Variants in PTPRM observed in about 807,000 individuals in gnomAD.
The protein encoded by PTPRM is receptor-type tyrosine-protein phosphatase mu.
PTPRM carries 47 observed loss-of-function variants against 186.7 expected under a neutral mutation model. The ratio of observed to expected loss-of-function variants is 0.25; its 90% confidence interval spans 0.20 to 0.32. The LOEUF (loss-of-function observed/expected upper bound fraction) is 0.32. Ranked by LOEUF, PTPRM falls within the 10% of genes least tolerant of loss-of-function variation. The pLI is 1.00. For synonymous variants in PTPRM, 668 were observed against 674.9 expected (o/e 0.99, Z 0.16); for missense variants, 1,494 against 1,865.0 (o/e 0.80, Z 3.66).
At chr18:8,299,596 C>A (rs4798625) in intron 20 of PTPRM, among the ~76,000 whole-genome samples, 14,341 of 141,120 alleles carry the variant, frequency 0.1, 946 homozygotes, top group African/African-American at 0.21. Context: ...CTCAAAAAAA[C>A]AAAAAAAAAG....
At chr18:8,045,158 G>A (rs2086959149) in intron 7 of PTPRM, among the ~76,000 whole-genome samples, 3 of 152,192 alleles carry the variant, frequency 2.0e-5, no homozygotes, top group Admixed American at 2.0e-4. Flanking sequence ...ACCAGCCTGG[G>A]CCACATGGTG....
At chr18:7,886,820 A>T (rs7242875) in intron 2 of PTPRM, among the ~76,000 whole-genome samples, 2 of 152,106 alleles carry the variant, frequency 1.3e-5, no homozygotes. Flanking sequence ...TTTAACAACA[A>T]CCTCTTAATC....
chr18:8,372,722 A>C (rs200842958), intron 24 of PTPRM, among the ~76,000 whole-genome samples: 1 of 13,908 alleles, frequency 7.2e-5, no homozygotes, highest in Non-Finnish European at 1.4e-4. Flanking sequence ...GCAGAATTGG[A>C]AAAAAAAAAA....
chr18:7,825,064 AG>A (rs1449951970), intron 2 of PTPRM, among the ~76,000 whole-genome samples: 2 of 152,176 alleles, frequency 1.3e-5, no homozygotes, highest in African/African-American at 4.8e-5. Context: ...TTTCATGTGC[AG>A]GGCCATCAGT....
chr18:8,172,694 CAAGAAAAAAAAAA>C (rs1011619612), intron 14 of PTPRM, among the ~76,000 whole-genome samples: 4 of 98,018 alleles, frequency 4.1e-5, no homozygotes, highest in East Asian at 2.5e-4. Flanking sequence ...AATGTAAACA[CAAGAAAAAAAAAA>C]AAGAAAAAAA....
chr18:8,054,265 T>C (rs1194238707), intron 7 of PTPRM, among the ~76,000 whole-genome samples: 2 of 142,796 alleles, frequency 1.4e-5, no homozygotes, highest in Non-Finnish European at 3.0e-5. Context: ...TCATTACTAG[T>C]ATATACTAGT....
chr18:7,958,912 T>C (rs1386580495), intron 7 of PTPRM, among the ~76,000 whole-genome samples: 1 of 152,142 alleles, frequency 6.6e-6, no homozygotes, highest in Non-Finnish European at 1.5e-5. Flanking sequence ...GTTCTTGAAA[T>C]AATAGTGCTT....
chr18:8,367,343 C>T (rs1270045993), intron 23 of PTPRM, among the ~76,000 whole-genome samples: 1 of 152,254 alleles, frequency 6.6e-6, no homozygotes, highest in African/African-American at 2.4e-5. Context: ...CGGGAGGGGC[C>T]TTGCCCAGCA....
chr18:8,280,162 G>A (rs1330241541), intron 19 of PTPRM, among the ~76,000 whole-genome samples: 1 of 152,110 alleles, frequency 6.6e-6, no homozygotes, highest in African/African-American at 2.4e-5. Context: ...CAAGGTGCCG[G>A]CATGGTTGGC....
intron 1 of PTPRM, among the ~76,000 whole-genome samples, chr18:7,601,278 C>G (rs2143746554): frequency 1.3e-5 from 2 of 152,344 alleles, no homozygotes; most frequent in South Asian, 4.1e-4. Context: ...GCAGGAAGGA[C>G]AGTCCTAGCT....
In PTPRM at chr18:7,578,869, A is replaced by G. The variant is rs149919323; in HGVS notation, c.73+10978A>G. On this transcript the variant is annotated intron_variant, in intron 1 of 32. Coordinates refer to ENST00000580170, the MANE Select transcript of PTPRM (RefSeq NM_001105244.2). ...AGGGCTTCATGTGTAATTAGTGGTC[A>G]GAATAAGACGGGTCCATCAGTCTGT... Among the ~76,000 whole-genome samples the G allele has an allele frequency of 1.1e-4, 16 of 152,278 alleles. 1 individual carries two copies. The Middle Eastern group carries it at 0.017, about 162-fold the overall frequency.
intron 2 of PTPRM, among the ~76,000 whole-genome samples, chr18:7,777,437 G>T (rs1481196154): frequency 2.6e-5 from 4 of 152,212 alleles, no homozygotes; most frequent in Non-Finnish European, 4.4e-5. Context: ...TGTTTAAATG[G>T]TGTCAGTGGT....
At chr18:7,955,436 A>G (rs748342141) in intron 7 of PTPRM, 22 bp downstream of exon 7, 2 of 1,590,466 alleles carry the variant, frequency 1.3e-6, no homozygotes, top group Admixed American at 3.4e-5. Context: ...GAACCCTGCA[A>G]TTAATTGTCA....
chr18:8,007,889 G>A (rs902847133), intron 7 of PTPRM, among the ~76,000 whole-genome samples: 1 of 152,178 alleles, frequency 6.6e-6, no homozygotes, highest in African/African-American at 2.4e-5. Flanking sequence ...GTTAAAAGAC[G>A]TTAGGAGAGG....
intron 1 of PTPRM, among the ~76,000 whole-genome samples, chr18:7,682,841 G>T (rs1307641216): frequency 6.6e-6 from 1 of 152,142 alleles, no homozygotes; most frequent in African/African-American, 2.4e-5. Flanking sequence ...GGGCATTGGG[G>T]GGGTGCAAGT....
At chr18:7,771,110 A>G (rs969602179) in intron 1 of PTPRM, among the ~76,000 whole-genome samples, 3 of 152,164 alleles carry the variant, frequency 2.0e-5, no homozygotes, top group African/African-American at 7.2e-5. Context: ...CTTTTGCTTT[A>G]TATGTGGTTC....
At position 7,907,572 on chromosome 18, in the gene PTPRM, C is replaced by T. The variant is rs142794568; in HGVS notation, c.547+989C>T. On this transcript the variant is annotated intron_variant, in intron 4 of 32. Coordinates refer to ENST00000580170, the MANE Select transcript of PTPRM (RefSeq NM_001105244.2). ...CTGATTTGGGCCTTGGCATCTTTGG[C>T]CTTAGGTGCAAAGCCCTGAGGGGGA... is the stretch of plus-strand genomic sequence containing the variant. Among the ~76,000 whole-genome samples the T allele has an allele frequency of 3.6e-3, 548 of 152,262 alleles. 3 individuals are homozygous for T. The highest frequency in any genetic ancestry group is 0.013 in the African/African-American group (532 of 41,546).
chr18:7,567,693 C>CG lies in PTPRM; in HGVS notation c.-126_-125insG, dbSNP rs915485313. 3.5e-6 allele frequency: 3 copies of CG among 846,354 alleles called. No homozygotes were observed. Among genetic ancestry groups the CG allele is most frequent in the Non-Finnish European group, 5.1e-6 (3 of 593,072 alleles). 52.4% of individuals were successfully genotyped at this position (846,354 alleles called of 1,614,324 possible). On this transcript the variant is annotated 5_prime_UTR_variant, in exon 1 of 33. Transcript: ENST00000580170. The surrounding 1 kb of genome is among the most constrained non-coding windows in gnomAD (Gnocchi z 4.3). ...TCTGCAACTGTTGGCACTTTGGGGG[C>CG]TTGGCTTAGCGCTCTGCTGTTTACC...
chr18:7,788,801 T>C (rs2043206749), intron 2 of PTPRM, among the ~76,000 whole-genome samples: 1 of 152,204 alleles, frequency 6.6e-6, no homozygotes, highest in Non-Finnish European at 1.5e-5. Context: ...AAAGGCATCA[T>C]AGACAAACAT....
Sources: allele counts gnomAD v4.1 joint callset (sites outside exome capture counted in the v4.1 genomes callset), GRCh38; gene constraint gnomAD v4.1.1; non-coding constraint Gnocchi (gnomAD v3.1); transcripts MANE v1.5; gene names NCBI Gene and HGNC (gene_info 2026-07-23, HGNC 2026-07-21).